The following ARID5A variants were observed in gnomAD, a reference collection of about 807,000 sequenced individuals.
ARID5A encodes the protein AT-rich interaction domain 5A, also known as AT-rich interactive domain-containing protein 5A.
In ARID5A, 14 loss-of-function variants were observed where a neutral mutation model predicts 30.5. The ratio of observed to expected loss-of-function variants is 0.46; its 90% CI spans 0.30 to 0.72. The LOEUF is 0.72. ARID5A is among the 30% of genes least tolerant of loss of function. ARID5A has a pLI of 0.07. For synonymous variants in ARID5A, 338 were observed against 340.4 expected, an observed-to-expected ratio of 0.99 and a Z score of 0.08; for missense variants, 669 against 786.2, an observed-to-expected ratio of 0.85 and a Z score of 1.78.
intron 1 of ARID5A, among the ~76,000 whole-genome samples, chr2:96,540,758 G>A (rs2065830886): frequency 6.6e-6 from 1 of 152,224 alleles, no homozygotes; most frequent in Non-Finnish European, 1.5e-5. Flanking sequence ...TTGTTTGTTT[G>A]TTTGTTTTGG....
rs1350335478 is a variant in ARID5A, at chr2:96,541,256, T to TC, written c.4+4427dup. On this transcript the variant is annotated intron_variant, in intron 1 of 6. Coordinates refer to ENST00000357485, the MANE Select transcript of ARID5A (RefSeq NM_212481.3). ...TTTCACCATGTTGGCCAGGATGGTC[T>TC]CGATCTCTTGACCTCATGATCTGCC... 3.3e-5 allele frequency among the ~76,000 whole-genome samples: 5 copies of TC among 152,158 alleles called. No homozygotes were observed. In the East Asian group the frequency reaches 9.7e-4, roughly 29 times the overall value.
chr2:96,545,549 T>C (rs2065913601), intron 1 of ARID5A, among the ~76,000 whole-genome samples: 3 of 152,214 alleles, frequency 2.0e-5, no homozygotes, highest in Admixed American at 6.5e-5. Context: ...AGAAACTTAG[T>C]TGATAAAGCA....
chr2:96,548,653 G>GC, intron 2 of ARID5A, among the ~76,000 whole-genome samples: 2 of 152,368 alleles, frequency 1.3e-5, no homozygotes, highest in East Asian at 3.9e-4. Context: ...TGTTCTCTGA[G>GC]CAGGGTATGG....
At position 96,551,852 on chromosome 2, in the gene ARID5A, G is replaced by A. The variant is rs1348218260; in HGVS notation, c.1324G>A (p.Gly442Ser). 6.3e-7 allele frequency: 1 copy of A among 1,596,588 alleles called. No homozygotes were observed. The highest frequency in any genetic ancestry group is 1.4e-5 in the African/African-American group (1 of 73,918). The part of the protein sequence containing the change: ...PPTFPSSPGL[G>S]SKRSLEEEGA... ...CACCTTCCCCAGTAGCCCAGGCCTGGGCAGCAAGCGCAGCCTGGAGGAAGA... is the reference window on the plus strand; with the variant it reads ...CACCTTCCCCAGTAGCCCAGGCCTGAGCAGCAAGCGCAGCCTGGAGGAAGA... Residue 442 changes from glycine to serine, a missense_variant, in exon 7 of 7, where the codon GGC (glycine) becomes AGC (serine). Gly to Ser is a moderately conservative substitution (Grantham distance 56, BLOSUM62 0). Around this residue, in one of 4 missense-constraint regions of ARID5A, gnomAD observed 548 missense variants for 577.4 expected, o/e 0.95. Coordinates refer to ENST00000357485, the MANE Select transcript of ARID5A (RefSeq NM_212481.3).
Position 96,537,741 on chromosome 2 carries a change from G to T in ARID5A, c.4+911G>T. The T allele has an allele frequency of 2.0e-6, 1 of 498,406 alleles. No homozygotes were observed. 30.9% of individuals were successfully genotyped at this position (498,406 alleles called of 1,614,324 possible). Reference sequence around the variant, plus strand: ...CCGGGCCCGCGCTCCGTCCCTCCGCGGTGTCTAGGGGTCGCCCGGGCTGGG... The same window carrying T: ...CCGGGCCCGCGCTCCGTCCCTCCGCTGTGTCTAGGGGTCGCCCGGGCTGGG... On this transcript the variant is annotated intron_variant, in intron 1 of 6. Transcript: ENST00000357485. This position sits in a 1 kb window ranked among gnomAD's most constrained non-coding sequence, Gnocchi z 4.8.
In ARID5A at chr2:96,551,790, TGGCCAA is replaced by T; in HGVS notation, c.1265_1270del (p.Ala422_Lys423del). On this transcript the variant is annotated inframe_deletion, in exon 7 of 7. Coordinates refer to ENST00000357485, the MANE Select transcript of ARID5A (RefSeq NM_212481.3). Reference sequence around the variant, plus strand: ...CCCAAAGCCTGCTGGGTGTCCCCCATGGCCAAGGTCCCAGCCGAGAGCCCCACGCTC... The same window carrying T: ...CCCAAAGCCTGCTGGGTGTCCCCCATGGTCCCAGCCGAGAGCCCCACGCTC... 1 of 1,555,464 alleles carries T rather than the reference TGGCCAA, an allele frequency of 6.4e-7. No individual in the cohort carries two copies. Among genetic ancestry groups the T allele is most frequent in the South Asian group, 1.2e-5 (1 of 81,746 alleles).
chr2:96,548,770 A>T (rs561768440), intron 2 of ARID5A, among the ~76,000 whole-genome samples: 1 of 152,328 alleles, frequency 6.6e-6, no homozygotes, highest in South Asian at 2.1e-4. Context: ...AGCAGTGCGC[A>T]ATTGAAGCCC....
chr2:96,546,019 C>T (rs1009742592), intron 1 of ARID5A, among the ~76,000 whole-genome samples: 2 of 151,994 alleles, frequency 1.3e-5, no homozygotes, highest in African/African-American at 4.8e-5. Flanking sequence ...GAAATTGCCA[C>T]AGTCACCCCA....
intron 1 of ARID5A, among the ~76,000 whole-genome samples, chr2:96,545,512 A>G (rs2104684800): frequency 6.6e-6 from 1 of 152,338 alleles, no homozygotes; most frequent in East Asian, 1.9e-4. Flanking sequence ...CATTGTCAAA[A>G]TGACAACAAA....
In ARID5A at chr2:96,537,844, A is replaced by T; in HGVS notation, c.4+1014A>T. The stretch of plus-strand genomic sequence containing the variant: ...ACCCCCGAGGGCCCAGGGGGTCCCA[A>T]GGCGCTGCGGGTCCAGTGTCCCTTT... On this transcript the variant is annotated intron_variant, in intron 1 of 6. Transcript: ENST00000357485. This position sits in a 1 kb window ranked among gnomAD's most constrained non-coding sequence, Gnocchi z 4.8. 1.0e-6 allele frequency: 1 copy of T among 984,376 alleles called. No individual in the cohort carries two copies. The highest frequency in any genetic ancestry group is 1.1e-4 in the East Asian group (1 of 8,782). 61.0% of individuals were successfully genotyped at this position (984,376 alleles called of 1,614,324 possible). A position where few individuals can be genotyped will look rare whatever the true frequency, so the allele number is the denominator to read the frequency against.
At position 96,550,871 on chromosome 2, in the gene ARID5A, T is replaced by C; in HGVS notation, c.570+138T>C. ...AGGGCGGGACTTGCAAGGTTCCAGGTTCTCCACAGATGGTTGTGCAAGTGG... is the reference window on the plus strand; with the variant it reads ...AGGGCGGGACTTGCAAGGTTCCAGGCTCTCCACAGATGGTTGTGCAAGTGG... On this transcript the variant is annotated intron_variant, in intron 6 of 6. Coordinates refer to ENST00000357485, the MANE Select transcript of ARID5A (RefSeq NM_212481.3). This position sits in a 1 kb window ranked among gnomAD's most constrained non-coding sequence, Gnocchi z 6.6. The C allele has an allele frequency of 2.3e-6, 3 of 1,316,760 alleles. No homozygotes were observed. The highest frequency in any genetic ancestry group is 5.7e-5 in the Admixed American group (2 of 35,234). The allele number at this position is 1,316,760 out of a possible 1,614,324, so 81.6% of individuals were successfully genotyped here. A position where few individuals can be genotyped will look rare whatever the true frequency, so the allele number is the denominator to read the frequency against.
Position 96,537,905 on chromosome 2 carries a change from C to T in ARID5A, c.4+1075C>T, listed in dbSNP as rs766645025. 2.7e-5 allele frequency: 27 copies of T among 985,372 alleles called. 1 individual carries two copies. The South Asian group carries it at 3.3e-4, about 12-fold the overall frequency. The allele number at this position is 985,372 out of a possible 1,614,324, so 61.0% of individuals were successfully genotyped here. A position where few individuals can be genotyped will look rare whatever the true frequency, so the allele number is the denominator to read the frequency against. The stretch of plus-strand genomic sequence containing the variant: ...TCTTGGGCCAGTAAGGAGTGCTCCG[C>T]GGGCCCCAGGGGAGGACAACAGGTG... On this transcript the variant is annotated intron_variant, in intron 1 of 6. Transcript: ENST00000357485. The surrounding 1 kb of genome is among the most constrained non-coding windows in gnomAD (Gnocchi z 4.8).
chr2:96,537,122 A>G lies in ARID5A; in HGVS notation c.4+292A>G, dbSNP rs373343757. 1.2e-3 allele frequency among the ~76,000 whole-genome samples: 180 copies of G among 151,962 alleles called. 1 individual carries two copies. Among genetic ancestry groups the G allele is most frequent in the African/African-American group, 4.2e-3 (175 of 41,450 alleles). ...GGGCTTCCCGGGCGTTTATCTCGAA[A>G]CTCTTTTCGCCGTCTCTTGCCTGAA... On this transcript the variant is annotated intron_variant, in intron 1 of 6. Transcript: ENST00000357485. The surrounding 1 kb of genome is among the most constrained non-coding windows in gnomAD (Gnocchi z 4.8).
chr2:96,551,541 C>G lies in ARID5A; in HGVS notation c.1013C>G (p.Pro338Arg), dbSNP rs1176989347. 2.7e-5 allele frequency: 44 copies of G among 1,606,736 alleles called. No individual in the cohort carries two copies. The highest frequency in any genetic ancestry group is 3.6e-5 in the Non-Finnish European group (42 of 1,177,326). The change falls in exon 7 of 7, where the codon CCC becomes CGC. Residue 338 changes from proline (P) to arginine (R), a missense_variant. Around this residue, in one of 4 missense-constraint regions of ARID5A, gnomAD observed 548 missense variants for 577.4 expected, o/e 0.95. Transcript: ENST00000357485. ...EAQAGPCPAA[P>R]IFKGCFYTHP... ...CAGGCAGGCCCCTGCCCGGCAGCCCCCATCTTCAAGGGCTGCTTCTACACC... is the reference window on the plus strand; with the variant it reads ...CAGGCAGGCCCCTGCCCGGCAGCCCGCATCTTCAAGGGCTGCTTCTACACC...
At position 96,539,029 on chromosome 2, in the gene ARID5A, G is replaced by T. The variant is rs988688813; in HGVS notation, c.4+2199G>T. On this transcript the variant is annotated intron_variant, in intron 1 of 6. Coordinates refer to ENST00000357485, the MANE Select transcript of ARID5A (RefSeq NM_212481.3). The surrounding 1 kb of genome is among the most constrained non-coding windows in gnomAD (Gnocchi z 4.7). ...ATTGCGCTCATCCTGCACCCAGGAG[G>T]CTGATGTTTCCGGAGCACCTGCTGG... Among the ~76,000 whole-genome samples the T allele has an allele frequency of 1.3e-5, 2 of 152,212 alleles. No homozygotes were observed. Among genetic ancestry groups the T allele is most frequent in the Non-Finnish European group, 2.9e-5 (2 of 68,044 alleles).
chr2:96,547,289 C>A, intron 1 of ARID5A, 113 bp from the exon 2 acceptor site: 2 of 877,850 alleles, frequency 2.3e-6, no homozygotes, highest in Non-Finnish European at 3.5e-6. Context: ...TGCACTGGCG[C>A]CCTCTGGCAA....
At chr2:96,544,323 GA>G (rs1275665095) in intron 1 of ARID5A, among the ~76,000 whole-genome samples, 2 of 152,216 alleles carry the variant, frequency 1.3e-5, no homozygotes, top group Admixed American at 1.3e-4. Flanking sequence ...ATCAGAAGAA[GA>G]TGTCATCTAG....
At position 96,549,587 on chromosome 2, in the gene ARID5A, G is replaced by A; in HGVS notation, c.259+128G>A. The A allele has an allele frequency of 6.8e-7, 1 of 1,479,682 alleles. No homozygotes were observed. The highest frequency in any genetic ancestry group is 2.3e-5 in the East Asian group (1 of 43,618). The allele number at this position is 1,479,682 out of a possible 1,614,324, so 91.7% of individuals were successfully genotyped here. A position where few individuals can be genotyped will look rare whatever the true frequency, so the allele number is the denominator to read the frequency against. On this transcript the variant is annotated intron_variant, in intron 3 of 6. Coordinates refer to ENST00000357485, the MANE Select transcript of ARID5A (RefSeq NM_212481.3). The surrounding 1 kb of genome is among the most constrained non-coding windows in gnomAD (Gnocchi z 6.1). ...TAGAAAGGAGGCCTCCCTCCAGGCT[G>A]CCACTGGGCCAGGGGTGCACAGGGC...
chr2:96,550,980 T>C lies in ARID5A; in HGVS notation c.571-119T>C. 1 of 1,309,756 alleles carries C rather than the reference T, an allele frequency of 7.6e-7. No individual in the cohort carries two copies. Among genetic ancestry groups the C allele is most frequent in the Non-Finnish European group, 1.0e-6 (1 of 953,002 alleles). The allele number at this position is 1,309,756 out of a possible 1,614,324, so 81.1% of individuals were successfully genotyped here. On this transcript the variant is annotated intron_variant, in intron 6 of 6. Coordinates refer to ENST00000357485, the MANE Select transcript of ARID5A (RefSeq NM_212481.3). This position sits in a 1 kb window ranked among gnomAD's most constrained non-coding sequence, Gnocchi z 6.6. ...GACAGGGCACCTTTGGAAAATTCTGTACAGAGGACTGCAGGGGCTGGCGGG... is the reference window on the plus strand; with the variant it reads ...GACAGGGCACCTTTGGAAAATTCTGCACAGAGGACTGCAGGGGCTGGCGGG...
Sources: allele counts gnomAD v4.1 joint callset (sites outside exome capture counted in the v4.1 genomes callset), GRCh38; gene constraint gnomAD v4.1.1; regional missense constraint gnomAD v4.1.1; non-coding constraint Gnocchi (gnomAD v3.1); transcripts MANE v1.5; gene names NCBI Gene and HGNC (gene_info 2026-07-23, HGNC 2026-07-21).